LRP2BP: variants seen among roughly 807,000 people sequenced by gnomAD.
LRP2BP encodes the protein LRP2 binding protein.
A neutral mutation model predicts 45.2 loss-of-function variants in LRP2BP; 38 were observed. That is an observed-to-expected ratio of 0.84 (90% CI 0.65 to 1.10). LRP2BP has a LOEUF of 1.10. Ranked by LOEUF, LRP2BP falls within the 50% of genes least tolerant of loss-of-function variation. LRP2BP has a pLI of 0.00. For synonymous variants in LRP2BP, 153 were observed against 153.9 expected, an observed-to-expected ratio of 0.99 and a Z score of 0.04; for missense variants, 385 against 418.9, an observed-to-expected ratio of 0.92 and a Z score of 0.71.
At chr4:185,371,774 G>A (rs548399477) in intron 7 of LRP2BP, among the ~76,000 whole-genome samples, 79 of 152,272 alleles carry the variant, frequency 5.2e-4, no homozygotes, top group African/African-American at 1.8e-3. Context: ...AATCACTCCT[G>A]TAAGTGGTCT....
In LRP2BP at chr4:185,385,846, A is replaced by C. The variant is rs2095469612; in HGVS notation, c.-21-7639T>G. 4.9e-5 allele frequency among the ~76,000 whole-genome samples: 7 copies of C among 144,250 alleles called. No homozygotes were observed. The South Asian group carries it at 1.3e-3, about 27-fold the overall frequency. 94.6% of individuals were successfully genotyped at this position (144,250 alleles called of 152,430 possible). A position where few individuals can be genotyped will look rare whatever the true frequency, so the allele number is the denominator to read the frequency against. On this transcript the variant is annotated intron_variant, in intron 1 of 8. Coordinates refer to ENST00000505916, the MANE Select transcript of LRP2BP (RefSeq NM_001377440.1). Reference sequence around the variant, plus strand: ...AACCCGGAAGGTGGAGGTTGCAGTGAGCTGAGATCGTGCCACTGCACTCCA... The same window carrying C: ...AACCCGGAAGGTGGAGGTTGCAGTGCGCTGAGATCGTGCCACTGCACTCCA...
chr4:185,372,840 A>G lies in LRP2BP; in HGVS notation c.803+16T>C. On this transcript the variant is annotated intron_variant, in intron 7 of 8. Coordinates refer to ENST00000505916, the MANE Select transcript of LRP2BP (RefSeq NM_001377440.1). Reference sequence around the variant, plus strand: ...ATATTCTGTTACAGCAGCACAGAACAGACAAAGACATTCACCTTTTGGAAA... The same window carrying G: ...ATATTCTGTTACAGCAGCACAGAACGGACAAAGACATTCACCTTTTGGAAA... 6.4e-7 allele frequency: 1 copy of G among 1,573,742 alleles called. No homozygotes were observed. The highest frequency in any genetic ancestry group is 8.7e-7 in the Non-Finnish European group (1 of 1,146,346).
intron 8 of LRP2BP, chr4:185,369,781 G>GAGACCATGATTGAA (rs1456380713): frequency 4.5e-6 from 2 of 445,714 alleles, no homozygotes; most frequent in Non-Finnish European, 9.0e-6. Context: ...CTGTCTCCTA[G>GAGACCATGATTGAA]AGACCATGAT....
rs2095386115 is a variant in LRP2BP, at chr4:185,365,769, A to T, written c.*1411T>A. The T allele has an allele frequency of 6.6e-6, 1 of 151,896 alleles. No individual in the cohort carries two copies. The highest frequency in any genetic ancestry group is 2.4e-5 in the African/African-American group (1 of 41,390). 9.4% of individuals were successfully genotyped at this position (151,896 alleles called of 1,614,324 possible). On this transcript the variant is annotated 3_prime_UTR_variant, in exon 9 of 9. Transcript: ENST00000505916. ...AAGAGAATACTAGTTGGGAATTTGG[A>T]TCTTCAAGTGGTTGAAGGAATGTTA...
intron 4 of LRP2BP, 89 bp downstream of exon 4, chr4:185,375,523 TA>T (rs2095434317): frequency 7.2e-6 from 1 of 138,924 alleles, no homozygotes; most frequent in African/African-American, 3.3e-5. Context: ...TATGTATATA[TA>T]TATGTATTAA....
At position 185,374,002 on chromosome 4, in the gene LRP2BP, G is replaced by A. The variant is rs2095424756; in HGVS notation, c.579+133C>T. Reference sequence around the variant, plus strand: ...TAAAAGGGCTTTGAGATCCTAAAATGTATGCTTTCTTTACATTTAAAGGAA... The same window carrying A: ...TAAAAGGGCTTTGAGATCCTAAAATATATGCTTTCTTTACATTTAAAGGAA... On this transcript the variant is annotated intron_variant, in intron 6 of 8. Coordinates refer to ENST00000505916, the MANE Select transcript of LRP2BP (RefSeq NM_001377440.1). The A allele has an allele frequency of 1.1e-5, 8 of 737,292 alleles. No homozygotes were observed. The South Asian group carries it at 1.6e-4, about 14-fold the overall frequency. 45.7% of individuals were successfully genotyped at this position (737,292 alleles called of 1,614,324 possible). A position where few individuals can be genotyped will look rare whatever the true frequency, so the allele number is the denominator to read the frequency against.
At chr4:185,375,487 A>AAAAAAAAAAAAATAT in intron 4 of LRP2BP, 126 bp downstream of exon 4, 1 of 12,014 alleles carries the variant, frequency 8.3e-5, no homozygotes, top group Non-Finnish European at 1.5e-4. Flanking sequence ...AAAAAAAAAA[A>AAAAAAAAAAAAATAT]ATATATATAT....
At chr4:185,390,898 T>C (rs2095486677) in intron 1 of LRP2BP, 1 of 152,234 alleles carries the variant, frequency 6.6e-6, no homozygotes, top group East Asian at 1.9e-4. Context: ...CATCACATTA[T>C]AATAGTATGT....
intron 1 of LRP2BP, among the ~76,000 whole-genome samples, chr4:185,382,727 C>T (rs540606460): frequency 1.0e-3 from 155 of 152,320 alleles, no homozygotes; most frequent in African/African-American, 3.6e-3. Context: ...ATCCTACATA[C>T]TAGTCTCATA....
chr4:185,378,603 C>T (rs2095446119), intron 1 of LRP2BP: 8 of 994,432 alleles, frequency 8.0e-6, no homozygotes, highest in Admixed American at 5.9e-5. Context: ...TGACACTCAT[C>T]GGACGAATCC....
rs11288148 is a variant in LRP2BP, at chr4:185,371,540, T to TA, written c.804-727dup. On this transcript the variant is annotated intron_variant, in intron 7 of 8. Transcript: ENST00000505916. Reference sequence around the variant, plus strand: ...CTGGGCAACAGAGCGAGACTCCGTCTAAAAAAAAAAAAAAAAAAAAAAAGG... The same window carrying TA: ...CTGGGCAACAGAGCGAGACTCCGTCTAAAAAAAAAAAAAAAAAAAAAAAAGG... 1.2e-3 allele frequency among the ~76,000 whole-genome samples: 91 copies of TA among 78,264 alleles called. 2 individuals carry two copies. The highest frequency in any genetic ancestry group is 7.0e-3 in the East Asian group (19 of 2,718). The allele number at this position is 78,264 out of a possible 152,430, so 51.3% of individuals were successfully genotyped here.
chr4:185,397,049 C>T (rs1243333684), upstream of LRP2BP: 1 of 1,609,426 alleles, frequency 6.2e-7, no homozygotes, highest in African/African-American at 1.3e-5. Flanking sequence ...TGGGCGCTGC[C>T]TGGTCAGAGC....
At chr4:185,390,852 T>C (rs1337082126) in intron 1 of LRP2BP, 1 of 152,246 alleles carries the variant, frequency 6.6e-6, no homozygotes, top group African/African-American at 2.4e-5. Context: ...GCTGCAAGGA[T>C]ACCACAGAGT....
At chr4:185,395,949 C>A, upstream of LRP2BP, 1 of 967,336 alleles carries the variant, frequency 1.0e-6, no homozygotes, top group Non-Finnish European at 1.2e-6. Context: ...ACGTCAGTAG[C>A]TGCCATCGGA....
chr4:185,385,501 CTG>C (rs2126831179), intron 1 of LRP2BP, among the ~76,000 whole-genome samples: 1 of 152,308 alleles, frequency 6.6e-6, no homozygotes, highest in Admixed American at 6.5e-5. Context: ...GAGAGCCACA[CTG>C]AACAGAAAAA....
chr4:185,373,432 GA>G (rs1226896649), intron 6 of LRP2BP, among the ~76,000 whole-genome samples: 1 of 152,204 alleles, frequency 6.6e-6, no homozygotes. Context: ...CAGAGGAGGG[GA>G]AACCACTGAT....
intron 1 of LRP2BP, among the ~76,000 whole-genome samples, chr4:185,385,911 G>GC (rs55905919): frequency 0.071 from 10,241 of 143,588 alleles, 720 homozygotes; most frequent in African/African-American, 0.14. Context: ...GGGGAGGGGG[G>GC]GGGGGAGATA....
rs1210064817 is a variant in LRP2BP, at chr4:185,378,187, C to T, written c.-1G>A. 2.5e-6 allele frequency: 4 copies of T among 1,613,654 alleles called. No homozygotes were observed. In the African/African-American group the frequency reaches 4.0e-5, roughly 16 times the overall value. ...GCAACTTTTCACTGGTCAACTTCAT[C>T]CTTTTTCTGCAATGTGTATTCTATA... On this transcript the variant is annotated 5_prime_UTR_variant, in exon 2 of 9. Transcript: ENST00000505916.
At chr4:185,378,957 A>G (rs1273021673) in intron 1 of LRP2BP, 1 of 985,288 alleles carries the variant, frequency 1.0e-6, no homozygotes, top group Non-Finnish European at 1.2e-6. Context: ...AGAGACCCTT[A>G]GTGTGATTGG....
Sources: gnomAD v4.1 joint callset for allele counts (sites outside exome capture counted in the v4.1 genomes callset) on GRCh38, gnomAD v4.1.1 for gene constraint, MANE v1.5 for transcripts, NCBI Gene and HGNC (gene_info 2026-07-23, HGNC 2026-07-21) for gene names.